ANKS1B: variants seen among roughly 807,000 people sequenced by gnomAD.
The protein encoded by ANKS1B is ankyrin repeat and sterile alpha motif domain-containing protein 1B.
Under a neutral mutation model 148.3 loss-of-function variants are expected in ANKS1B, and 36 were observed. The observed-to-expected ratio is 0.24, with a 90% CI of 0.19 to 0.32. ANKS1B has a LOEUF of 0.32. Among genes scored for constraint, ANKS1B ranks in the 10% least tolerant of loss-of-function variants. The probability of loss-of-function intolerance (pLI) is 1.00; values close to 1 mark genes in which losing one functional copy is unlikely to be tolerated. For synonymous variants in ANKS1B, 542 were observed against 560.8 expected, an observed-to-expected ratio of 0.97 and a Z score of 0.47; for missense variants, 1,157 against 1,542.6, an observed-to-expected ratio of 0.75 and a Z score of 4.19.
intron 8 of ANKS1B, among the ~76,000 whole-genome samples, chr12:99,741,321 G>T (rs2060092020): frequency 6.6e-6 from 1 of 152,052 alleles, no homozygotes; most frequent in Admixed American, 6.5e-5. Flanking sequence ...TTCGACCATT[G>T]TGGAAGACAG....
intron 17 of ANKS1B, among the ~76,000 whole-genome samples, chr12:99,007,249 C>G (rs897054625): frequency 6.6e-6 from 1 of 152,172 alleles, no homozygotes; most frequent in Admixed American, 6.5e-5. Context: ...ATTGTTTAAT[C>G]TGGTACCACA....
At chr12:99,776,973 G>A (rs185622926) in intron 6 of ANKS1B, among the ~76,000 whole-genome samples, 9 of 152,070 alleles carry the variant, frequency 5.9e-5, no homozygotes, top group East Asian at 3.9e-4. Flanking sequence ...GTGAGCCACC[G>A]CACCCTGCCA....
At chr12:99,481,492 G>A (rs1000075899) in intron 10 of ANKS1B, among the ~76,000 whole-genome samples, 2 of 151,868 alleles carry the variant, frequency 1.3e-5, no homozygotes, top group Admixed American at 1.3e-4. Flanking sequence ...GAATTGTGCT[G>A]CTATAAACAT....
chr12:99,220,613 A>AT (rs1404604258), intron 14 of ANKS1B, among the ~76,000 whole-genome samples: 14 of 151,038 alleles, frequency 9.3e-5, no homozygotes, highest in Admixed American at 5.9e-4. Context: ...CCCCCGGCTA[A>AT]TTTTTTTGTA....
chr12:99,128,363 G>A (rs2153744303), intron 15 of ANKS1B, among the ~76,000 whole-genome samples: 1 of 152,322 alleles, frequency 6.6e-6, no homozygotes, highest in African/African-American at 2.4e-5. Flanking sequence ...TATTGCTAGT[G>A]TCCTGTTGCT....
intron 9 of ANKS1B, among the ~76,000 whole-genome samples, chr12:99,622,630 T>C (rs1182780989): frequency 6.6e-6 from 1 of 151,792 alleles, no homozygotes. Flanking sequence ...TGTATGCACA[T>C]AAACTAGAAA....
chr12:99,052,019 C>T (rs2099966429), intron 17 of ANKS1B, among the ~76,000 whole-genome samples: 4 of 152,194 alleles, frequency 2.6e-5, no homozygotes, highest in South Asian at 2.1e-4. Context: ...ATGCCATTTT[C>T]CTCAATCATT....
intron 1 of ANKS1B, among the ~76,000 whole-genome samples, chr12:99,943,547 G>T (rs1424064749): frequency 6.6e-6 from 1 of 152,126 alleles, no homozygotes; most frequent in African/African-American, 2.4e-5. Flanking sequence ...GGCAAAGGAG[G>T]AGCAAAGTCA....
chr12:99,300,146 A>C (rs1247324959), intron 12 of ANKS1B, among the ~76,000 whole-genome samples: 1 of 152,210 alleles, frequency 6.6e-6, no homozygotes, highest in Non-Finnish European at 1.5e-5. Flanking sequence ...CGGGGATGAC[A>C]AAAATCTGTA....
chr12:99,241,148 T>C (rs1404132611), intron 14 of ANKS1B, among the ~76,000 whole-genome samples: 2 of 152,036 alleles, frequency 1.3e-5, no homozygotes, highest in African/African-American at 4.8e-5. Flanking sequence ...GATATACCAC[T>C]AGCAAGACTA....
At chr12:98,774,587 C>A (rs1446426270) in intron 24 of ANKS1B, among the ~76,000 whole-genome samples, 2 of 152,092 alleles carry the variant, frequency 1.3e-5, no homozygotes, top group African/African-American at 4.8e-5. Context: ...TTGCAGTTGT[C>A]ACAGATCTAA....
At chr12:99,460,700 C>T (rs1483997165) in intron 10 of ANKS1B, among the ~76,000 whole-genome samples, 1 of 151,184 alleles carries the variant, frequency 6.6e-6, no homozygotes, top group African/African-American at 2.4e-5. Flanking sequence ...AAATGAGATA[C>T]CACCTTACTC....
intron 1 of ANKS1B, among the ~76,000 whole-genome samples, chr12:99,861,683 A>G (rs1443798038): frequency 6.6e-6 from 1 of 152,206 alleles, no homozygotes; most frequent in Non-Finnish European, 1.5e-5. Flanking sequence ...TGATAGTGTT[A>G]TGCAGATTTT....
At position 98,737,623 on chromosome 12, in the gene ANKS1B, G is replaced by A. The variant is rs185017290; in HGVS notation, c.691-1989C>T. Among the ~76,000 whole-genome samples the A allele has an allele frequency of 1.8e-3, 270 of 152,284 alleles. 1 individual carries two copies. The highest frequency in any genetic ancestry group is 7.7e-4 in the East Asian group (4 of 5,186). On this transcript the variant is annotated intron_variant, in intron 9 of 9. Coordinates refer to the ANKS1B transcript ENST00000341752. ...AGTTCCATGGGATGAATTTGCCCAC[G>A]TGTTCATAACACAGTCTATGTTCTT... is the stretch of plus-strand genomic sequence containing the variant.
In ANKS1B at chr12:99,490,444, A is replaced by G. The variant is rs553785923; in HGVS notation, c.1438+14032T>C. 7.2e-5 allele frequency among the ~76,000 whole-genome samples: 11 copies of G among 152,314 alleles called. No homozygotes were observed. In the South Asian group the frequency reaches 2.3e-3, roughly 32 times the overall value. On this transcript the variant is annotated intron_variant, in intron 10 of 26. Transcript: ENST00000683438. ...CAGATCTGGATATATTTTGTACATT[A>G]TTTATTGACTGAGATTAAATAACAA...
Position 98,796,635 on chromosome 12 carries a change from A to T in ANKS1B, c.3342+2299T>A, listed in dbSNP as rs1463853819. On this transcript the variant is annotated intron_variant, in intron 22 of 26. Transcript: ENST00000683438. The stretch of plus-strand genomic sequence containing the variant: ...TGAATGCAACCTTAGCTACTTTATC[A>T]AGAACTGAGACTTACTTAATCAAGA... 2.6e-5 allele frequency among the ~76,000 whole-genome samples: 4 copies of T among 152,336 alleles called. No homozygotes were observed. In the East Asian group the frequency reaches 7.7e-4, roughly 29 times the overall value.
At chr12:98,763,666 A>G (rs11109592) in intron 25 of ANKS1B, among the ~76,000 whole-genome samples, 14,370 of 152,254 alleles carry the variant, frequency 0.094, 862 homozygotes, top group Non-Finnish European at 0.14. Context: ...TATACACCCA[A>G]ATACTTTCAT....
Position 99,601,893 on chromosome 12 carries a change from G to A in ANKS1B, c.1272+53174C>T, listed in dbSNP as rs193025802. On this transcript the variant is annotated intron_variant, in intron 9 of 26. Coordinates refer to ENST00000683438, the MANE Select transcript of ANKS1B (RefSeq NM_001352186.2). ...AGTTCTTGGTCCTAGGTATAGGTCC[G>A]GACCCCTTCTGAAATGAGTCTTGTG... Among the ~76,000 whole-genome samples the A allele has an allele frequency of 1.5e-3, 222 of 152,038 alleles. 1 individual carries two copies. Among genetic ancestry groups the A allele is most frequent in the African/African-American group, 5.1e-3 (211 of 41,488 alleles).
chr12:99,377,406 C>T (rs1423437814), intron 12 of ANKS1B, among the ~76,000 whole-genome samples: 1 of 152,136 alleles, frequency 6.6e-6, no homozygotes, highest in Non-Finnish European at 1.5e-5. Context: ...CTAGCAGTAT[C>T]TGAAGAAACA....
Sources: allele counts gnomAD v4.1 joint callset (sites outside exome capture counted in the v4.1 genomes callset), GRCh38; gene constraint gnomAD v4.1.1; transcripts MANE v1.5; gene names NCBI Gene and HGNC (gene_info 2026-07-23, HGNC 2026-07-21).